SGCZ: variants seen among roughly 807,000 people sequenced by gnomAD.
The protein encoded by SGCZ is zeta-sarcoglycan.
In SGCZ, 40 loss-of-function variants were observed where a neutral mutation model predicts 41.3. The observed-to-expected ratio is 0.97, with a 90% CI of 0.75 to 1.26. The LOEUF (loss-of-function observed/expected upper bound fraction) is 1.26. SGCZ is among the 50% of genes most tolerant of loss of function. The pLI, the probability that SGCZ is intolerant of heterozygous loss-of-function variation, is 0.00. For synonymous variants in SGCZ, 206 were observed against 137.5 expected (o/e 1.50, Z -3.49); for missense variants, 552 against 369.8 (o/e 1.49, Z -4.04).
At chr8:14,656,767 T>C (rs1252493225) in intron 1 of SGCZ, among the ~76,000 whole-genome samples, 9 of 151,872 alleles carry the variant, frequency 5.9e-5, no homozygotes, top group Admixed American at 5.9e-4. Context: ...ATGAGGAATA[T>C]AGAAAACAAC....
rs369090223 is a variant in SGCZ, at chr8:14,851,368, CAAAAAAAAAAA to C, written c.40-296453_40-296443del. On this transcript the variant is annotated intron_variant, in intron 1 of 7. Coordinates refer to ENST00000382080, the MANE Select transcript of SGCZ (RefSeq NM_139167.4). ...TGGGCGACAGAGCGAGACTCCATCT[CAAAAAAAAAAA>C]AAAAAAAAAAAGAAAAAAAGAAAAA... Among the ~76,000 whole-genome samples, 204 of 61,928 alleles carry C rather than the reference CAAAAAAAAAAA, an allele frequency of 3.3e-3. 2 individuals carry two copies. The East Asian group carries it at 0.069, about 21-fold the overall frequency. 40.6% of individuals were successfully genotyped at this position (61,928 alleles called of 152,430 possible). A position where few individuals can be genotyped will look rare whatever the true frequency, so the allele number is the denominator to read the frequency against.
intron 2 of SGCZ, among the ~76,000 whole-genome samples, chr8:14,410,285 T>C (rs1189745582): frequency 6.6e-6 from 1 of 151,954 alleles, no homozygotes; most frequent in Non-Finnish European, 1.5e-5. Flanking sequence ...GCCAAAAAGT[T>C]GGGGACTGCT....
Position 14,182,130 on chromosome 8 carries a change from C to T in SGCZ, c.425-17428G>A, listed in dbSNP as rs140604384. On this transcript the variant is annotated intron_variant, in intron 4 of 7. Coordinates refer to ENST00000382080, the MANE Select transcript of SGCZ (RefSeq NM_139167.4). ...CACTTATAGGCCTGTATAGTTCTTCCTCTCATACTCTACTCAGGGACTCTG... is the reference window on the plus strand; with the variant it reads ...CACTTATAGGCCTGTATAGTTCTTCTTCTCATACTCTACTCAGGGACTCTG... Among the ~76,000 whole-genome samples the T allele has an allele frequency of 5.5e-4, 83 of 152,254 alleles. 1 individual carries two copies. The highest frequency in any genetic ancestry group is 1.9e-3 in the African/African-American group (81 of 41,568).
chr8:14,705,266 A>C (rs1007595248), intron 1 of SGCZ, among the ~76,000 whole-genome samples: 11 of 152,002 alleles, frequency 7.2e-5, no homozygotes, highest in Non-Finnish European at 1.5e-4. Context: ...AAGAACAATC[A>C]GTATAGGCAT....
In SGCZ at chr8:14,357,309, G is replaced by A. The variant is rs1468459432; in HGVS notation, c.235-33105C>T. 3.3e-5 allele frequency among the ~76,000 whole-genome samples: 5 copies of A among 152,070 alleles called. No homozygotes were observed. In the East Asian group the frequency reaches 9.6e-4, roughly 29 times the overall value. ...ATTACTTAGTAGCAAAGCATACTTT[G>A]ATAAGCATCTCAGTACACTGAAATC... On this transcript the variant is annotated intron_variant, in intron 2 of 7. Coordinates refer to ENST00000382080, the MANE Select transcript of SGCZ (RefSeq NM_139167.4).
At chr8:14,271,928 ATGG>A (rs1404273168) in intron 3 of SGCZ, among the ~76,000 whole-genome samples, 1 of 152,212 alleles carries the variant, frequency 6.6e-6, no homozygotes, top group Non-Finnish European at 1.5e-5. Context: ...TTTCGTAAAT[ATGG>A]TGATGACCTA....
At chr8:14,162,549 T>C (rs1804077712) in intron 5 of SGCZ, 1 of 150,464 alleles carries the variant, frequency 6.6e-6, no homozygotes, top group South Asian at 2.1e-4. Flanking sequence ...CAGAACTCTC[T>C]TTCTCTCTCT....
chr8:14,632,326 G>A (rs1044952058), intron 1 of SGCZ, among the ~76,000 whole-genome samples: 11 of 151,896 alleles, frequency 7.2e-5, no homozygotes, highest in African/African-American at 2.7e-4. Context: ...CCCAGACAGT[G>A]CTTACATTAT....
In SGCZ at chr8:14,746,470, T is replaced by C. The variant is rs187761000; in HGVS notation, c.40-191544A>G. 2.0e-3 allele frequency among the ~76,000 whole-genome samples: 312 copies of C among 152,282 alleles called. 1 individual carries two copies. Among genetic ancestry groups the C allele is most frequent in the African/African-American group, 7.2e-3 (300 of 41,584 alleles). ...TTGGAGGTGCTTAGTATCCACATTATAAATTGAGATAAAATCAGTATTTAT... is the reference window on the plus strand; with the variant it reads ...TTGGAGGTGCTTAGTATCCACATTACAAATTGAGATAAAATCAGTATTTAT... On this transcript the variant is annotated intron_variant, in intron 1 of 7. Coordinates refer to ENST00000382080, the MANE Select transcript of SGCZ (RefSeq NM_139167.4).
chr8:14,127,833 C>T (rs748591080), intron 5 of SGCZ, among the ~76,000 whole-genome samples: 2 of 152,072 alleles, frequency 1.3e-5, no homozygotes, highest in Non-Finnish European at 2.9e-5. Flanking sequence ...ACTCATGTCA[C>T]AGGGGATTTT....
intron 4 of SGCZ, among the ~76,000 whole-genome samples, chr8:14,226,898 T>C (rs1190247270): frequency 6.6e-6 from 1 of 152,126 alleles, no homozygotes; most frequent in Non-Finnish European, 1.5e-5. Context: ...GTCACTATAC[T>C]TATGACTTAT....
At position 14,090,160 on chromosome 8, in the gene SGCZ, C is replaced by T. The variant is rs191829427; in HGVS notation, c.*283G>A. 7.8e-4 allele frequency: 201 copies of T among 258,074 alleles called. No individual in the cohort carries two copies. Among genetic ancestry groups the T allele is most frequent in the Non-Finnish European group, 1.2e-4 (16 of 136,332 alleles). 16.0% of individuals were successfully genotyped at this position (258,074 alleles called of 1,614,324 possible). ...AAATCTAAAACTGTGTGCTTCACTT[C>T]GCGTAGCAAAGGCACCTATGTTATT... On this transcript the variant is annotated 3_prime_UTR_variant, in exon 8 of 8. Coordinates refer to ENST00000382080, the MANE Select transcript of SGCZ (RefSeq NM_139167.4).
At chr8:14,508,147 G>T (rs1476536285) in intron 2 of SGCZ, among the ~76,000 whole-genome samples, 1 of 152,006 alleles carries the variant, frequency 6.6e-6, no homozygotes, top group South Asian at 2.1e-4. Flanking sequence ...ATTTTCCCAA[G>T]AACTTACCAG....
At chr8:15,009,228 G>A (rs1444241746) in intron 1 of SGCZ, among the ~76,000 whole-genome samples, 1 of 41,122 alleles carries the variant, frequency 2.4e-5, no homozygotes, top group East Asian at 4.1e-4. Flanking sequence ...ATGGCAGAAA[G>A]CAAAGGGGAA....
intron 3 of SGCZ, among the ~76,000 whole-genome samples, chr8:14,250,964 A>T (rs1799262188): frequency 6.6e-6 from 1 of 152,162 alleles, no homozygotes; most frequent in Admixed American, 6.6e-5. Context: ...ATGGTGGCTC[A>T]TGTCTGTAAT....
intron 1 of SGCZ, among the ~76,000 whole-genome samples, chr8:15,113,468 T>G (rs1038851881): frequency 1.3e-5 from 2 of 152,112 alleles, no homozygotes; most frequent in African/African-American, 4.8e-5. Context: ...TGTCATTTGT[T>G]TTCTCTTTCC....
intron 3 of SGCZ, among the ~76,000 whole-genome samples, chr8:14,266,915 T>C (rs920614564): frequency 3.8e-4 from 58 of 152,078 alleles, no homozygotes; most frequent in African/African-American, 1.1e-3. Context: ...AGACAAAATA[T>C]GAAGAGCTAG....
chr8:14,437,981 G>A (rs895907828), intron 2 of SGCZ, among the ~76,000 whole-genome samples: 1 of 151,674 alleles, frequency 6.6e-6, no homozygotes, highest in Non-Finnish European at 1.5e-5. Context: ...TATTCAAATA[G>A]CCTCCGAGAA....
At chr8:14,627,599 A>C (rs1266481928) in intron 1 of SGCZ, among the ~76,000 whole-genome samples, 2 of 152,140 alleles carry the variant, frequency 1.3e-5, no homozygotes, top group African/African-American at 4.8e-5. Flanking sequence ...ATTTTTAGCA[A>C]TATATGGTTA....
Sources: allele counts gnomAD v4.1 joint callset (sites outside exome capture counted in the v4.1 genomes callset), GRCh38; gene constraint gnomAD v4.1.1; transcripts MANE v1.5; gene names NCBI Gene and HGNC (gene_info 2026-07-23, HGNC 2026-07-21).